Variants in FAM76A observed in about 807,000 individuals in gnomAD.
FAM76A encodes protein FAM76A.
Under a neutral mutation model 46.2 loss-of-function variants are expected in FAM76A, and 32 were observed. That is an observed-to-expected ratio of 0.69 (90% CI 0.52 to 0.93). The LOEUF (loss-of-function observed/expected upper bound fraction) is 0.93, where lower values mean the gene tolerates loss of function less well. Among genes scored for constraint, FAM76A ranks in the 40% least tolerant of loss-of-function variants. FAM76A has a pLI of 0.00. For synonymous variants in FAM76A, 137 were observed against 127.0 expected, an observed-to-expected ratio of 1.08 and a Z score of -0.53; for missense variants, 274 against 361.5, an observed-to-expected ratio of 0.76 and a Z score of 1.96.
Position 27,741,907 on chromosome 1 carries a change from G to A in FAM76A, c.355-2747G>A, listed in dbSNP as rs546731410. On this transcript the variant is annotated intron_variant, in intron 4 of 8. Transcript: ENST00000373954. ...CAAAAAAAAAAAAAAGAGAGAGGATGTAATCATTTACATTTAAGAAACCCT... is the reference window on the plus strand; with the variant it reads ...CAAAAAAAAAAAAAAGAGAGAGGATATAATCATTTACATTTAAGAAACCCT... Among the ~76,000 whole-genome samples, 6 of 151,482 alleles carry A rather than the reference G, an allele frequency of 4.0e-5. No homozygotes were observed. In the South Asian group the frequency reaches 1.0e-3, roughly 26 times the overall value.
At chr1:27,730,766 A>G (rs959835237) in intron 2 of FAM76A, among the ~76,000 whole-genome samples, 4 of 152,118 alleles carry the variant, frequency 2.6e-5, no homozygotes, top group Non-Finnish European at 5.9e-5. Flanking sequence ...CTTTATAGTC[A>G]CTTTCACAGG....
At chr1:27,733,174 T>C (rs908812422) in intron 3 of FAM76A, among the ~76,000 whole-genome samples, 3 of 152,128 alleles carry the variant, frequency 2.0e-5, no homozygotes, top group African/African-American at 7.2e-5. Context: ...TCAAGTGATC[T>C]GCCCACCTCA....
intron 2 of FAM76A, 66 bp downstream of exon 2, chr1:27,727,602 G>C: frequency 8.4e-7 from 1 of 1,185,430 alleles, no homozygotes; most frequent in Non-Finnish European, 1.2e-6. Flanking sequence ...GTAATTGATT[G>C]CATTTCATGT....
At chr1:27,747,769 A>G (rs970538884) in intron 5 of FAM76A, among the ~76,000 whole-genome samples, 1 of 151,812 alleles carries the variant, frequency 6.6e-6, no homozygotes, top group Admixed American at 6.6e-5. Flanking sequence ...ATACAAAATT[A>G]ACTGGGTGTG....
intron 5 of FAM76A, 21 bp from the exon 6 acceptor site, chr1:27,749,043 GTCTC>G (rs760304329): frequency 1.2e-4 from 170 of 1,456,246 alleles, no homozygotes; most frequent in Non-Finnish European, 1.4e-4. Context: ...TCTAATGTGT[GTCTC>G]TCTATTTTTG....
At chr1:27,734,540 C>CGA (rs1571471306) in intron 4 of FAM76A, among the ~76,000 whole-genome samples, 2 of 152,112 alleles carry the variant, frequency 1.3e-5, no homozygotes, top group East Asian at 3.8e-4. Flanking sequence ...GAGCAAGACT[C>CGA]TATCTCAAAA....
At chr1:27,737,085 G>T (rs1168904968) in intron 4 of FAM76A, among the ~76,000 whole-genome samples, 1 of 152,242 alleles carries the variant, frequency 6.6e-6, no homozygotes, top group East Asian at 1.9e-4. Context: ...GAGTAGCTGG[G>T]ATTACAGGCA....
At chr1:27,755,967 A>C (rs1429113083) in intron 7 of FAM76A, among the ~76,000 whole-genome samples, 1 of 152,242 alleles carries the variant, frequency 6.6e-6, no homozygotes, top group East Asian at 1.9e-4. Flanking sequence ...TGTAACAAAC[A>C]GTACACAGTT....
At chr1:27,752,063 C>A (rs1486087327) in intron 6 of FAM76A, among the ~76,000 whole-genome samples, 1 of 152,184 alleles carries the variant, frequency 6.6e-6, no homozygotes, top group East Asian at 1.9e-4. Context: ...CATGAGCCAC[C>A]AGACCCAGCC....
intron 5 of FAM76A, among the ~76,000 whole-genome samples, 163 bp downstream of exon 5, chr1:27,744,974 A>G (rs1325587261): frequency 6.6e-6 from 1 of 152,212 alleles, no homozygotes; most frequent in Non-Finnish European, 1.5e-5. Flanking sequence ...TATAGTTCAT[A>G]TATCTTCCAA....
chr1:27,749,430 C>T (rs548596295), intron 6 of FAM76A, among the ~76,000 whole-genome samples: 67 of 152,206 alleles, frequency 4.4e-4, no homozygotes, highest in Admixed American at 2.7e-3. Context: ...TGCAGTGGCG[C>T]GATTTTGGCT....
chr1:27,732,212 T>C (rs916519751), intron 2 of FAM76A, among the ~76,000 whole-genome samples: 11 of 152,148 alleles, frequency 7.2e-5, no homozygotes, highest in Non-Finnish European at 1.5e-4. Context: ...GATGGATCGC[T>C]TGAGGTCAGG....
intron 6 of FAM76A, among the ~76,000 whole-genome samples, chr1:27,752,992 T>C (rs561640214): frequency 1.3e-5 from 2 of 151,946 alleles, no homozygotes; most frequent in South Asian, 2.1e-4. Context: ...AAACCCCGTC[T>C]CTACTAAAAA....
chr1:27,759,095 G>A (rs2088461752), intron 7 of FAM76A, among the ~76,000 whole-genome samples: 1 of 152,052 alleles, frequency 6.6e-6, no homozygotes, highest in African/African-American at 2.4e-5. Context: ...TCAACAGAAG[G>A]GGGTCTGGGG....
Position 27,734,183 on chromosome 1 carries a change from G to T in FAM76A, c.354G>T (p.Lys118Asn). Residue 118 changes from lysine (K) to asparagine (N), a missense_variant and splice_region_variant, in exon 4 of 9, where the codon AAG becomes AAT. Transcript: ENST00000373954. The part of the protein sequence containing the change: ...CAFDRKDDRK[K>N]VDGKLLCWLC... The stretch of plus-strand genomic sequence containing the variant: ...TTGACAGGAAAGATGATAGAAAGAA[G>T]GTAAATCTCTGTTTTTCTTGATTTC... 1 of 1,565,606 alleles carries T rather than the reference G, an allele frequency of 6.4e-7. No individual in the cohort carries two copies. The highest frequency in any genetic ancestry group is 1.2e-5 in the South Asian group (1 of 83,670).
intron 5 of FAM76A, among the ~76,000 whole-genome samples, chr1:27,746,852 G>C (rs917833300): frequency 1.3e-5 from 2 of 152,122 alleles, no homozygotes; most frequent in Non-Finnish European, 2.9e-5. Context: ...CGAGGTGGGA[G>C]GGTTGCTTGA....
chr1:27,742,814 G>A (rs570887578), intron 4 of FAM76A, among the ~76,000 whole-genome samples: 9 of 152,000 alleles, frequency 5.9e-5, no homozygotes, highest in East Asian at 1.9e-4. Context: ...TAATCCCAGC[G>A]CTTTGGGAGG....
intron 1 of FAM76A, among the ~76,000 whole-genome samples, chr1:27,726,425 C>T (rs556985187): frequency 6.6e-6 from 1 of 152,252 alleles, no homozygotes; most frequent in East Asian, 1.9e-4. Context: ...GGAGGGACAG[C>T]GGGTCCCCTG....
chr1:27,726,623 G>A (rs926552126), intron 1 of FAM76A, among the ~76,000 whole-genome samples: 2 of 151,930 alleles, frequency 1.3e-5, no homozygotes, highest in Non-Finnish European at 2.9e-5. Flanking sequence ...AGGTAGCAAG[G>A]CTTGATTTTT....
Sources: gnomAD v4.1 joint callset for allele counts (sites outside exome capture counted in the v4.1 genomes callset) on GRCh38, gnomAD v4.1.1 for gene constraint, MANE v1.5 for transcripts, NCBI Gene and HGNC (gene_info 2026-07-23, HGNC 2026-07-21) for gene names.